The following SIDT1 variants were observed in gnomAD, a reference collection of about 807,000 sequenced individuals.
SIDT1 encodes SID1 transmembrane family member 1.
A neutral mutation model predicts 107.5 loss-of-function variants in SIDT1; 101 were observed. That is an observed-to-expected ratio of 0.94 (90% CI 0.80 to 1.11). The LOEUF is 1.11. Ranked by LOEUF, SIDT1 falls within the 50% of genes least tolerant of loss-of-function variation. SIDT1 has a pLI of 0.00. For synonymous variants in SIDT1, 395 were observed against 398.2 expected, an observed-to-expected ratio of 0.99 and a Z score of 0.10; for missense variants, 1,076 against 1,058.2, an observed-to-expected ratio of 1.02 and a Z score of -0.23.
chr3:113,605,402 A>G (rs948432324), intron 14 of SIDT1, among the ~76,000 whole-genome samples: 8 of 152,140 alleles, frequency 5.3e-5, no homozygotes, highest in Non-Finnish European at 1.0e-4. Context: ...CTGGGATTAC[A>G]GGCATGAGCC....
chr3:113,534,602 G>A (rs944059461), intron 1 of SIDT1, among the ~76,000 whole-genome samples: 2 of 152,174 alleles, frequency 1.3e-5, no homozygotes, highest in African/African-American at 4.8e-5. Flanking sequence ...ATCTAGCGTG[G>A]GAGAACTCAT....
chr3:113,615,520 T>A (rs1440830112), intron 19 of SIDT1, among the ~76,000 whole-genome samples: 3 of 152,212 alleles, frequency 2.0e-5, no homozygotes, highest in African/African-American at 7.2e-5. Context: ...CAACTGTGCT[T>A]AAAAAAACTT....
At chr3:113,625,777 A>T in intron 23 of SIDT1, 1 of 230,320 alleles carries the variant, frequency 4.3e-6, no homozygotes, top group Non-Finnish European at 8.4e-6. Flanking sequence ...AGCTCCTTAT[A>T]TATTCTGGTT....
chr3:113,611,117 G>C lies in SIDT1; in HGVS notation c.1830G>C (p.Val610=). 1.9e-6 allele frequency: 3 copies of C among 1,613,884 alleles called. No individual in the cohort carries two copies. The highest frequency in any genetic ancestry group is 2.5e-6 in the Non-Finnish European group (3 of 1,179,918). The change falls in exon 18 of 25, where the codon GTG becomes GTC. Residue 610 remains valine (V), a synonymous_variant. Transcript: ENST00000264852. ...ACTCTGCCTATGCCTCCTTTGCTGT[G>C]GTCATCATGGTCACCGTCCTTGGAG... ...SAYSAYASFA[V]VIMVTVLGVV...
intron 1 of SIDT1, among the ~76,000 whole-genome samples, chr3:113,552,645 A>G (rs943597639): frequency 6.6e-6 from 1 of 152,076 alleles, no homozygotes; most frequent in Non-Finnish European, 1.5e-5. Context: ...CTTCCCCCAC[A>G]CCACTGCCTC....
At chr3:113,629,746 G>T (rs1470987222), downstream of SIDT1, among the ~76,000 whole-genome samples, 1 of 152,204 alleles carries the variant, frequency 6.6e-6, no homozygotes, top group African/African-American at 2.4e-5. Context: ...GAAGATGTGA[G>T]CGGAAATGGG....
intron 24 of SIDT1, among the ~76,000 whole-genome samples, chr3:113,627,380 G>C (rs898242299): frequency 1.3e-5 from 2 of 152,174 alleles, no homozygotes; most frequent in Non-Finnish European, 2.9e-5. Flanking sequence ...ATGGAGAATA[G>C]GGATTTTTGT....
intron 1 of SIDT1, among the ~76,000 whole-genome samples, chr3:113,561,761 AG>A (rs1307676416): frequency 6.6e-6 from 1 of 152,190 alleles, no homozygotes; most frequent in African/African-American, 2.4e-5. Flanking sequence ...GGTTGACTTG[AG>A]GGATTTGCTT....
downstream of SIDT1, among the ~76,000 whole-genome samples, chr3:113,631,291 G>A (rs757843142): frequency 5.3e-5 from 8 of 151,948 alleles, no homozygotes; most frequent in Non-Finnish European, 1.2e-4. Context: ...ACATTCTGTA[G>A]GGCAAGCTTG....
chr3:113,592,947 A>T lies in SIDT1; in HGVS notation c.1002-58A>T. On this transcript the variant is annotated intron_variant, in intron 9 of 24. Coordinates refer to ENST00000264852, the MANE Select transcript of SIDT1 (RefSeq NM_017699.3). ...TCCGCAACAAAATCTATAAGGAACA[A>T]ATGTAAAATGCTGAGGTTTTCACTG... The T allele has an allele frequency of 2.3e-6, 3 of 1,328,400 alleles. No individual in the cohort carries two copies. The Admixed American group carries it at 5.0e-5, about 22-fold the overall frequency. 82.3% of individuals were successfully genotyped at this position (1,328,400 alleles called of 1,614,324 possible). A position where few individuals can be genotyped will look rare whatever the true frequency, so the allele number is the denominator to read the frequency against.
At chr3:113,533,545 A>C (rs1937723979) in intron 1 of SIDT1, among the ~76,000 whole-genome samples, 1 of 152,184 alleles carries the variant, frequency 6.6e-6, no homozygotes, top group African/African-American at 2.4e-5. Context: ...TCTCCAGGAA[A>C]GTCCTGATTT....
intron 1 of SIDT1, among the ~76,000 whole-genome samples, chr3:113,554,687 T>G (rs1312544977): frequency 1.3e-5 from 2 of 152,202 alleles, no homozygotes; most frequent in Non-Finnish European, 2.9e-5. Flanking sequence ...AGTATGAAAA[T>G]GGACTAATAC....
chr3:113,596,993 T>C (rs1204762485), intron 10 of SIDT1, among the ~76,000 whole-genome samples: 1 of 152,214 alleles, frequency 6.6e-6, no homozygotes, highest in Non-Finnish European at 1.5e-5. Context: ...TTTGGAGGAC[T>C]CAAGGAACGC....
At chr3:113,596,336 G>T (rs1302486243) in intron 10 of SIDT1, among the ~76,000 whole-genome samples, 1 of 152,226 alleles carries the variant, frequency 6.6e-6, no homozygotes, top group South Asian at 2.1e-4. Flanking sequence ...CAGAAAATCT[G>T]TGCGCTACTC....
At chr3:113,615,915 T>A in intron 19 of SIDT1, 185 bp from the exon 20 acceptor site, 1 of 619,358 alleles carries the variant, frequency 1.6e-6, no homozygotes, top group Non-Finnish European at 2.9e-6. Flanking sequence ...AGATATGGCA[T>A]CCCTCTATGA....
intron 3 of SIDT1, among the ~76,000 whole-genome samples, chr3:113,569,024 C>T (rs183208990): frequency 2.7e-5 from 4 of 150,548 alleles, no homozygotes; most frequent in African/African-American, 9.7e-5. Flanking sequence ...CCTGTTGTCC[C>T]AGCTAATCCG....
At chr3:113,612,396 C>T in intron 19 of SIDT1, 1 of 628,816 alleles carries the variant, frequency 1.6e-6, no homozygotes, top group East Asian at 3.2e-5. Flanking sequence ...ACCCCTAGTT[C>T]TATTTTCAGC....
intron 9 of SIDT1, among the ~76,000 whole-genome samples, chr3:113,590,994 T>C (rs1363400369): frequency 6.6e-6 from 1 of 152,206 alleles, no homozygotes; most frequent in Non-Finnish European, 1.5e-5. Flanking sequence ...GAAGATTATC[T>C]TGGGTTATCT....
intron 23 of SIDT1, among the ~76,000 whole-genome samples, chr3:113,625,180 A>G (rs1477516239): frequency 6.6e-6 from 1 of 151,652 alleles, no homozygotes; most frequent in Non-Finnish European, 1.5e-5. Context: ...TCTGTCTCCC[A>G]GGCTGGAGTG....
Sources: allele counts gnomAD v4.1 joint callset (sites outside exome capture counted in the v4.1 genomes callset), GRCh38; gene constraint gnomAD v4.1.1; transcripts MANE v1.5; gene names NCBI Gene and HGNC (gene_info 2026-07-23, HGNC 2026-07-21).